The following UGGT1 variants were observed in gnomAD, a reference collection of about 807,000 sequenced individuals.
UGGT1 encodes UDP-glucose:glycoprotein glucosyltransferase 1.
UGGT1 carries 107 observed loss-of-function variants against 203.9 expected under a neutral mutation model. The observed-to-expected ratio is 0.52, with a 90% CI of 0.45 to 0.62. The LOEUF (loss-of-function observed/expected upper bound fraction) is 0.62. UGGT1 is among the 20% of genes least tolerant of loss of function. The pLI, the probability that UGGT1 is intolerant of heterozygous loss-of-function variation, is 0.00. For missense variants in UGGT1, 1,673 were observed against 1,867.2 expected, an observed-to-expected ratio of 0.90 and a Z score of 1.92; for synonymous variants, 628 against 653.5, an observed-to-expected ratio of 0.96 and a Z score of 0.59.
chr2:128,133,489 T>C (rs1558780003), intron 14 of UGGT1, among the ~76,000 whole-genome samples: 1 of 152,128 alleles, frequency 6.6e-6, no homozygotes. Flanking sequence ...TGTGGGGAAA[T>C]GCTCATTTTT....
At position 128,116,358 on chromosome 2, in the gene UGGT1, T is replaced by A. The variant is rs995202356; in HGVS notation, c.872+15T>A. ...GGAAAATTAAGGTATGTATGTTCTG[T>A]GTATTTTGGGAAACGCCCTCATTTT... On this transcript the variant is annotated intron_variant, in intron 8 of 40. Coordinates refer to ENST00000259253, the MANE Select transcript of UGGT1 (RefSeq NM_020120.4). 2.6e-6 allele frequency: 4 copies of A among 1,561,404 alleles called. No homozygotes were observed. The highest frequency in any genetic ancestry group is 2.3e-5 in the South Asian group (2 of 88,798).
At chr2:128,187,182 T>A in intron 39 of UGGT1, 1 of 338,144 alleles carries the variant, frequency 3.0e-6, no homozygotes, top group East Asian at 5.2e-5. Context: ...GCTGAGTCAC[T>A]CCTTGGCTTC....
chr2:128,183,447 G>A (rs934688253), intron 37 of UGGT1, among the ~76,000 whole-genome samples: 4 of 152,132 alleles, frequency 2.6e-5, no homozygotes, highest in African/African-American at 9.7e-5. Context: ...TATTTCTTTC[G>A]GATGGCAAAT....
chr2:128,112,360 C>T (rs563624786), intron 5 of UGGT1, among the ~76,000 whole-genome samples: 6 of 144,824 alleles, frequency 4.1e-5, no homozygotes, highest in African/African-American at 1.5e-4. Flanking sequence ...GGGAGAGTTG[C>T]AGTGAGCTGA....
intron 34 of UGGT1, among the ~76,000 whole-genome samples, chr2:128,179,139 G>A (rs1008002357): frequency 2.0e-5 from 3 of 151,380 alleles, no homozygotes; most frequent in Non-Finnish European, 4.4e-5. Context: ...CATTGCCAGG[G>A]CTCTGTTCAC....
In UGGT1 at chr2:128,097,962, A is replaced by G. The variant is rs149906071; in HGVS notation, c.194+398A>G. 7.0e-3 allele frequency among the ~76,000 whole-genome samples: 1,060 copies of G among 152,234 alleles called. 13 individuals are homozygous for G. Among genetic ancestry groups the G allele is most frequent in the African/African-American group, 0.024 (992 of 41,538 alleles). ...CTGTGACCTCCGCCTCCTGGGTTCAAGGGATTCTCATGCCTCTGCCTCCTG... is the reference window on the plus strand; with the variant it reads ...CTGTGACCTCCGCCTCCTGGGTTCAGGGGATTCTCATGCCTCTGCCTCCTG... On this transcript the variant is annotated intron_variant, in intron 2 of 40. Coordinates refer to ENST00000259253, the MANE Select transcript of UGGT1 (RefSeq NM_020120.4).
intron 16 of UGGT1, among the ~76,000 whole-genome samples, chr2:128,142,636 G>GT (rs1689494231): frequency 6.7e-6 from 1 of 150,178 alleles, no homozygotes; most frequent in African/African-American, 2.4e-5. Flanking sequence ...AGCCATCTTA[G>GT]TAAGGTATAT....
intron 5 of UGGT1, among the ~76,000 whole-genome samples, chr2:128,112,784 A>G (rs997249640): frequency 2.0e-5 from 3 of 151,570 alleles, no homozygotes; most frequent in Non-Finnish European, 2.9e-5. Flanking sequence ...AGGTTTTGCT[A>G]TGTTGCCCAG....
chr2:128,165,709 A>G (rs899497862), intron 26 of UGGT1, among the ~76,000 whole-genome samples: 2 of 152,150 alleles, frequency 1.3e-5, no homozygotes, highest in Non-Finnish European at 1.5e-5. Flanking sequence ...AATCATAATA[A>G]TAGTAAGATA....
chr2:128,100,027 C>CCA (rs1553431328), intron 2 of UGGT1, among the ~76,000 whole-genome samples: 2 of 53,040 alleles, frequency 3.8e-5, no homozygotes, highest in African/African-American at 5.6e-5. Flanking sequence ...AACCCCCCCC[C>CCA]CCACCCTACT....
intron 13 of UGGT1, among the ~76,000 whole-genome samples, chr2:128,131,132 C>G (rs916583456): frequency 6.8e-6 from 1 of 147,174 alleles, no homozygotes; most frequent in Admixed American, 7.0e-5. Flanking sequence ...CCTTGGGAGG[C>G]TGAGGCAGGA....
intron 2 of UGGT1, among the ~76,000 whole-genome samples, chr2:128,101,734 G>A (rs1687383126): frequency 1.3e-5 from 2 of 152,092 alleles, no homozygotes; most frequent in Non-Finnish European, 2.9e-5. Context: ...GTGGGTTTGC[G>A]GACACGAGTA....
Position 128,172,585 on chromosome 2 carries a change from T to C in UGGT1, c.3117T>C (p.Tyr1039=), listed in dbSNP as rs370371054. The C allele has an allele frequency of 3.6e-5, 58 of 1,613,954 alleles. No homozygotes were observed. The highest frequency in any genetic ancestry group is 4.6e-5 in the Non-Finnish European group (54 of 1,180,026). ...SDMPLKSFYR[Y]VLEPEISFTS... is the part of the protein sequence containing the mutation. ...TTTTCAATTTCAGCTTTTACCGTTA[T>C]GTCTTAGAACCAGAGATTTCTTTCA... The change falls in exon 29 of 41, where the codon TAT becomes TAC. Residue 1039 remains tyrosine, a synonymous_variant. Transcript: ENST00000259253.
chr2:128,152,843 T>TC lies in UGGT1; in HGVS notation c.2078dup (p.Arg694ThrfsTer5). ...ATATCATGAATCAGCCAAATGTTGT[T>TC]CCACGAATCAATTCTAGGATTTTGA... On this transcript the variant is annotated frameshift_variant, in exon 19 of 41. Coordinates refer to ENST00000259253, the MANE Select transcript of UGGT1 (RefSeq NM_020120.4). LOFTEE classifies it high-confidence loss of function. 6.2e-7 allele frequency: 1 copy of TC among 1,613,970 alleles called. No individual in the cohort carries two copies. Among genetic ancestry groups the TC allele is most frequent in the Non-Finnish European group, 8.5e-7 (1 of 1,179,956 alleles).
At chr2:128,099,778 C>A (rs183467544) in intron 2 of UGGT1, among the ~76,000 whole-genome samples, 1 of 152,236 alleles carries the variant, frequency 6.6e-6, no homozygotes, top group African/African-American at 2.4e-5. Context: ...AATGTCAGAA[C>A]TTTATTTGAT....
chr2:128,103,042 GA>G (rs1305789504), intron 2 of UGGT1: 2 of 470,616 alleles, frequency 4.2e-6, no homozygotes, highest in East Asian at 7.0e-5. Context: ...GCATTACCAG[GA>G]AATGTTTCTT....
chr2:128,094,904 A>G (rs1430075474), intron 1 of UGGT1, among the ~76,000 whole-genome samples: 1 of 151,924 alleles, frequency 6.6e-6, no homozygotes, highest in East Asian at 1.9e-4. Context: ...ACCTGCCACT[A>G]TGCCTGGCTA....
In UGGT1 at chr2:128,113,140, G is replaced by T; in HGVS notation, c.578G>T (p.Ser193Ile). Residue 193 changes from serine to isoleucine, a missense_variant, in exon 6 of 41, where the codon AGC becomes ATC. Physicochemically the swap from Ser to Ile is moderately radical, Grantham distance 142 (BLOSUM62 -2). Transcript: ENST00000259253. ...AGATATCCCTCGTCTAATCCTGAAA[G>T]CCCTGTGGTGATTTTCTACTCTGAG... is the stretch of plus-strand genomic sequence containing the variant. ...DHRYPSSNPE[S>I]PVVIFYSEIG... 6.2e-7 allele frequency: 1 copy of T among 1,612,572 alleles called. No homozygotes were observed. Among genetic ancestry groups the T allele is most frequent in the Non-Finnish European group, 8.5e-7 (1 of 1,179,228 alleles).
At chr2:128,118,391 G>A (rs1688229644) in intron 8 of UGGT1, among the ~76,000 whole-genome samples, 3 of 151,814 alleles carry the variant, frequency 2.0e-5, no homozygotes, top group South Asian at 4.2e-4. Context: ...TCACCCTCTC[G>A]AATAGCTGGG....
Sources: allele counts gnomAD v4.1 joint callset (sites outside exome capture counted in the v4.1 genomes callset), GRCh38; gene constraint gnomAD v4.1.1; transcripts MANE v1.5; gene names NCBI Gene and HGNC (gene_info 2026-07-23, HGNC 2026-07-21).